Variants in RPL35A observed in about 807,000 individuals in gnomAD.
RPL35A encodes large ribosomal subunit protein eL33.
In RPL35A, 1 loss-of-function variant was observed where a neutral mutation model predicts 16.7. The observed-to-expected ratio is 0.06, with a 90% CI of 0.02 to 0.28. The LOEUF is 0.28. Among genes scored for constraint, RPL35A ranks in the 10% least tolerant of loss-of-function variants. The pLI is 1.00. For synonymous variants in RPL35A, 58 were observed against 47.0 expected (o/e 1.23, Z -0.96); for missense variants, 91 against 138.7 (o/e 0.66, Z 1.73).
intron 1 of RPL35A, chr3:197,950,549 AC>A (rs1405015841): frequency 3.1e-6 from 1 of 323,580 alleles, no homozygotes; most frequent in Non-Finnish European, 5.6e-6. Context: ...GGCTTGTCTG[AC>A]CAGTCTCTTT....
chr3:197,953,933 T>G, intron 3 of RPL35A, 70 bp from the exon 4 acceptor site: 1 of 1,548,374 alleles, frequency 6.5e-7, no homozygotes, highest in Non-Finnish European at 8.9e-7. Context: ...GCCACTCGTG[T>G]AGAGGTCACC....
Position 197,955,772 on chromosome 3 carries a change from A to G in RPL35A, c.332A>G (p.Ter111=), listed in dbSNP as rs780923868. 31 of 1,603,544 alleles carry G rather than the reference A, an allele frequency of 1.9e-5. No homozygotes were observed. Among genetic ancestry groups the G allele is most frequent in the African/African-American group, 9.4e-5 (7 of 74,698 alleles). Reference sequence around the variant, plus strand: ...CAGATGCTGTACCCCTCAAGGATTTAAACTAACGAAAAATCAATAAATAAA... The same window carrying G: ...CAGATGCTGTACCCCTCAAGGATTTGAACTAACGAAAAATCAATAAATAAA... ...IRVMLYPSRI[*] The change falls in exon 5 of 5, where the codon TAA becomes TGA. Residue 111 remains the stop codon, a stop_retained_variant. Coordinates refer to ENST00000647248, the MANE Select transcript of RPL35A (RefSeq NM_000996.4).
At position 197,955,789 on chromosome 3, in the gene RPL35A, A is replaced by G; in HGVS notation, c.*16A>G. Reference sequence around the variant, plus strand: ...AAGGATTTAAACTAACGAAAAATCAATAAATAAATGTGGATTTGTGCTCTT... The same window carrying G: ...AAGGATTTAAACTAACGAAAAATCAGTAAATAAATGTGGATTTGTGCTCTT... On this transcript the variant is annotated 3_prime_UTR_variant, in exon 5 of 5. Transcript: ENST00000647248. The G allele has an allele frequency of 1.9e-6, 3 of 1,594,462 alleles. No homozygotes were observed. The highest frequency in any genetic ancestry group is 1.7e-5 in the Admixed American group (1 of 60,008).
intron 3 of RPL35A, 52 bp downstream of exon 3, chr3:197,951,363 C>T: frequency 6.3e-7 from 1 of 1,586,646 alleles, no homozygotes; most frequent in Non-Finnish European, 8.7e-7. Context: ...GCCTCATTTT[C>T]TTTTTTATAT....
At chr3:197,954,369 T>G (rs918720712) in intron 4 of RPL35A, 1 of 583,812 alleles carries the variant, frequency 1.7e-6, no homozygotes, top group African/African-American at 1.9e-5. Context: ...GGTCTCACTT[T>G]GTCACCCAGG....
At chr3:197,953,972 G>C in intron 3 of RPL35A, 31 bp from the exon 4 acceptor site, 1 of 1,611,386 alleles carries the variant, frequency 6.2e-7, no homozygotes, top group Non-Finnish European at 8.5e-7. Context: ...ATATCAGCTT[G>C]TATTCCTCTT....
chr3:197,954,082 G>A lies in RPL35A; in HGVS notation c.244G>A (p.Gly82Ser). 6.2e-7 allele frequency: 1 copy of A among 1,614,158 alleles called. No homozygotes were observed. ...AGTAACTCGGGCCCATGGAAACAGT[G>A]GCATGGTTCGTGCCAAATTCCGAAG... Reference protein sequence around the residue: ...GKVTRAHGNSGMVRAKFRSNL... With the variant: ...GKVTRAHGNSSMVRAKFRSNL... Residue 82 changes from glycine (G) to serine (S), a missense_variant, in exon 4 of 5, where the codon GGC becomes AGC. By Grantham distance (56) the Gly-to-Ser change is moderately conservative. Coordinates refer to ENST00000647248, the MANE Select transcript of RPL35A (RefSeq NM_000996.4).
chr3:197,953,531 G>GACAC, intron 3 of RPL35A: 3 of 457,180 alleles, frequency 6.6e-6, no homozygotes, highest in South Asian at 4.6e-5. Flanking sequence ...TTCCGGCCAG[G>GACAC]ACACACACTC....
intron 3 of RPL35A, among the ~76,000 whole-genome samples, chr3:197,952,855 CAA>C (rs1366398310): frequency 6.7e-6 from 1 of 149,784 alleles, no homozygotes; most frequent in African/African-American, 2.5e-5. Flanking sequence ...TTTTTTGAGA[CAA>C]AGTGTTGCTC....
At chr3:197,954,212 T>A in intron 4 of RPL35A, 65 bp downstream of exon 4, 1 of 1,574,364 alleles carries the variant, frequency 6.4e-7, no homozygotes, top group Non-Finnish European at 8.7e-7. Flanking sequence ...TGTTGTGCTT[T>A]GACTTCTGAG....
In RPL35A at chr3:197,951,189, T is replaced by C. The variant is rs1720046826; in HGVS notation, c.42T>C (p.Tyr14=). 5 of 1,614,110 alleles carry C rather than the reference T, an allele frequency of 3.1e-6. No individual in the cohort carries two copies. Among genetic ancestry groups the C allele is most frequent in the Non-Finnish European group, 4.2e-6 (5 of 1,180,052 alleles). ...GGTCCAAGGCCATTTTTGCTGGCTA[T>C]AAGCGGGGTCTCCGGAACCAAAGGG... ...RLWSKAIFAG[Y]KRGLRNQREH... Residue 14 remains tyrosine, a synonymous_variant, in exon 3 of 5, where the codon TAT becomes TAC. Transcript: ENST00000647248.
chr3:197,953,880 T>A (rs775558301), intron 3 of RPL35A, 123 bp from the exon 4 acceptor site: 72 of 878,170 alleles, frequency 8.2e-5, no homozygotes, highest in Non-Finnish European at 1.3e-4. Flanking sequence ...GTTCTAGGCA[T>A]TTAAAGTTTC....
At position 197,954,021 on chromosome 3, in the gene RPL35A, C is replaced by A. The variant is rs370212853; in HGVS notation, c.183C>A (p.Gly61=). 2 of 1,613,158 alleles carry A rather than the reference C, an allele frequency of 1.2e-6. No homozygotes were observed. The highest frequency in any genetic ancestry group is 1.7e-6 in the Non-Finnish European group (2 of 1,179,936). The change falls in exon 4 of 5, where the codon GGC becomes GGA. Residue 61 remains glycine, a synonymous_variant. Coordinates refer to ENST00000647248, the MANE Select transcript of RPL35A (RefSeq NM_000996.4). ...YKAKNNTVTP[G]GKPNKTRVIW... is the part of the protein sequence containing the mutation. ...AAATCAGCAACACAGTCACTCCTGG[C>A]GGCAAACCAAACAAAACCAGAGTCA...
At chr3:197,954,289 GGA>G (rs1255301799) in intron 4 of RPL35A, 142 bp downstream of exon 4, 1 of 809,876 alleles carries the variant, frequency 1.2e-6, no homozygotes, top group East Asian at 2.7e-5. Context: ...GCAGAACACT[GGA>G]GAGATAGTAA....
rs1720018098 is a variant in RPL35A at position 197,950,952 on chromosome 3, A to C, written c.-16A>C. 1.9e-6 allele frequency: 3 copies of C among 1,613,998 alleles called. No homozygotes were observed. Among genetic ancestry groups the C allele is most frequent in the Non-Finnish European group, 2.5e-6 (3 of 1,179,976 alleles). On this transcript the variant is annotated 5_prime_UTR_variant, in exon 2 of 5. Coordinates refer to ENST00000647248, the MANE Select transcript of RPL35A (RefSeq NM_000996.4). ...TGTTTTAAGGCCTGCTGGGAACGGGACTTCTAAAAGGAACTATGTCTGGAA... is the reference window on the plus strand; with the variant it reads ...TGTTTTAAGGCCTGCTGGGAACGGGCCTTCTAAAAGGAACTATGTCTGGAA...
In RPL35A at chr3:197,951,303, A is replaced by G. The variant is rs1188211619; in HGVS notation, c.156A>G (p.Lys52=). 2 of 1,613,950 alleles carry G rather than the reference A, an allele frequency of 1.2e-6. No homozygotes were observed. The highest frequency in any genetic ancestry group is 2.2e-5 in the East Asian group (1 of 44,902). Residue 52 remains lysine (K), a synonymous_variant, in exon 3 of 5, where the codon AAA becomes AAG. Transcript: ENST00000647248. ...GCAAGAGATGCGCTTATGTATATAA[A>G]GCAAAGAAGTAAGTTTATGACACTG... ...YLGKRCAYVY[K]AKNNTVTPGG...
chr3:197,955,857 T>C lies in RPL35A; in HGVS notation c.*84T>C, dbSNP rs1720487037. 1 of 1,126,218 alleles carries C rather than the reference T, an allele frequency of 8.9e-7. No homozygotes were observed. The highest frequency in any genetic ancestry group is 1.5e-5 in the African/African-American group (1 of 65,212). The allele number at this position is 1,126,218 out of a possible 1,614,324, so 69.8% of individuals were successfully genotyped here. Reference sequence around the variant, plus strand: ...AAAAAACTTACTACCTTAAATTGATTTGCTACATGCTTAAAATGATAGAGG... The same window carrying C: ...AAAAAACTTACTACCTTAAATTGATCTGCTACATGCTTAAAATGATAGAGG... On this transcript the variant is annotated 3_prime_UTR_variant, in exon 5 of 5. Coordinates refer to ENST00000647248, the MANE Select transcript of RPL35A (RefSeq NM_000996.4).
intron 3 of RPL35A, among the ~76,000 whole-genome samples, chr3:197,951,821 C>T (rs1307196109): frequency 6.6e-6 from 1 of 151,968 alleles, no homozygotes; most frequent in Admixed American, 6.5e-5. Context: ...CCTCAGCCTC[C>T]TGAGTAGCTG....
intron 4 of RPL35A, chr3:197,954,441 C>G (rs1187700049): frequency 2.3e-6 from 1 of 439,754 alleles, no homozygotes; most frequent in East Asian, 4.8e-5. Flanking sequence ...TCAAGCAATC[C>G]TTCCACCTCA....
Sources: allele counts gnomAD v4.1 joint callset (sites outside exome capture counted in the v4.1 genomes callset), GRCh38; gene constraint gnomAD v4.1.1; transcripts MANE v1.5; gene names NCBI Gene and HGNC (gene_info 2026-07-23, HGNC 2026-07-21).